Variants in SAMD7 observed in about 807,000 individuals in gnomAD.
SAMD7 encodes sterile alpha motif domain-containing protein 7.
In SAMD7, 34 loss-of-function variants were observed where a neutral mutation model predicts 36.7. The ratio of observed to expected loss-of-function variants is 0.93; its 90% confidence interval spans 0.71 to 1.23. The LOEUF (loss-of-function observed/expected upper bound fraction) is 1.23. Ranked by LOEUF, SAMD7 falls within the 50% of genes most tolerant of loss-of-function variation. SAMD7 has a pLI of 0.00. For synonymous variants in SAMD7, 188 were observed against 189.7 expected (o/e 0.99, Z 0.07); for missense variants, 570 against 546.6 (o/e 1.04, Z -0.43).
chr3:169,938,270 T>C (rs769451773), intron 8 of SAMD7, 48 bp from the exon 9 acceptor site: 6 of 1,308,042 alleles, frequency 4.6e-6, no homozygotes, highest in Non-Finnish European at 6.5e-6. Context: ...GCTGAGTTAA[T>C]GAAAAAAATT....
chr3:169,937,213 C>G (rs1713750870), intron 8 of SAMD7, among the ~76,000 whole-genome samples: 2 of 152,128 alleles, frequency 1.3e-5, no homozygotes, highest in Admixed American at 1.3e-4. Flanking sequence ...GTCTCAGGCA[C>G]CATCATCTCT....
At chr3:169,932,187 G>T (rs543958823) in intron 7 of SAMD7, 5 of 680,552 alleles carry the variant, frequency 7.3e-6, no homozygotes, top group East Asian at 7.0e-5. Context: ...ACCACACGTT[G>T]CAGTCTTCCT....
At position 169,926,919 on chromosome 3, in the gene SAMD7, A is replaced by G. The variant is rs1376383153; in HGVS notation, c.657A>G (p.Glu219=). The G allele has an allele frequency of 6.2e-7, 1 of 1,613,978 alleles. No homozygotes were observed. The highest frequency in any genetic ancestry group is 1.7e-5 in the Admixed American group (1 of 59,978). Residue 219 remains glutamate, a synonymous_variant, in exon 6 of 9, where the codon GAA becomes GAG. Coordinates refer to ENST00000335556, the MANE Select transcript of SAMD7 (RefSeq NM_001304366.2). ...ILGQTHAVPY[E]EDHYAKDPDI... is the part of the protein sequence containing the mutation. ...GTCAGACTCATGCAGTTCCCTATGAAGAGGATCATTATGCAAAAGACCCAG... is the reference window on the plus strand; with the variant it reads ...GTCAGACTCATGCAGTTCCCTATGAGGAGGATCATTATGCAAAAGACCCAG...
chr3:169,919,577 G>C lies in SAMD7; in HGVS notation c.79G>C (p.Val27Leu), dbSNP rs377075192. 7 of 1,610,056 alleles carry C rather than the reference G, an allele frequency of 4.3e-6. No homozygotes were observed. In the African/African-American group the frequency reaches 9.4e-5, roughly 22 times the overall value. The change falls in exon 3 of 9, where the codon GTG becomes CTG. Residue 27 changes from valine (V) to leucine (L), a missense_variant. Val to Leu is a conservative substitution (Grantham distance 32). Transcript: ENST00000335556. Reference sequence around the variant, plus strand: ...CCCCTCACCATTTGGGCCTCCAACTGTGGACAGGTATTTCTCTTCAATATA... The same window carrying C: ...CCCCTCACCATTTGGGCCTCCAACTCTGGACAGGTATTTCTCTTCAATATA... ...LIPSPFGPPTVDRDVLPSTVA... is the reference protein window; with the variant it reads ...LIPSPFGPPTLDRDVLPSTVA...
At chr3:169,926,482 A>T in intron 5 of SAMD7, 71 bp from the exon 6 acceptor site, 1 of 1,442,716 alleles carries the variant, frequency 6.9e-7, no homozygotes, top group Non-Finnish European at 9.4e-7. Context: ...TTTAGGGAAG[A>T]CAAGGGGTCA....
chr3:169,923,673 G>A (rs1388413754), intron 4 of SAMD7, among the ~76,000 whole-genome samples: 1 of 152,120 alleles, frequency 6.6e-6, no homozygotes, highest in Admixed American at 6.5e-5. Flanking sequence ...ACACGGGAGA[G>A]GGAGGTTGCA....
At chr3:169,911,930 T>C (rs1267429633) in intron 1 of SAMD7, 109 bp downstream of exon 1, 1 of 152,240 alleles carries the variant, frequency 6.6e-6, no homozygotes, top group Non-Finnish European at 1.5e-5. Flanking sequence ...AAGGAAATGC[T>C]TAGGTTTATG....
At chr3:169,932,018 CA>C (rs1363869645) in intron 7 of SAMD7, 1 of 722,234 alleles carries the variant, frequency 1.4e-6, no homozygotes. Context: ...AGCAGCGAGT[CA>C]TGCTGTTAGC....
intron 6 of SAMD7, 22 bp from the exon 7 acceptor site, chr3:169,928,435 A>T: frequency 6.2e-7 from 1 of 1,602,476 alleles, no homozygotes; most frequent in East Asian, 2.2e-5. Flanking sequence ...ATTTTATGCC[A>T]CAATTTCTTT....
Position 169,928,561 on chromosome 3 carries a change from T to C in SAMD7, c.1024T>C (p.Cys342Arg), listed in dbSNP as rs760317033. The stretch of plus-strand genomic sequence containing the variant: ...CAGCTTCATTCGCAGCCTTCCAGGT[T>C]GTTCAGACTATGCTCAGGTGACTTA... ...VHSFIRSLPG[C>R]SDYAQVFKDH... is the part of the protein sequence containing the mutation. Residue 342 changes from cysteine (C) to arginine (R), a missense_variant, in exon 7 of 9, where the codon TGT (cysteine) becomes CGT (arginine). Transcript: ENST00000335556. The C allele has an allele frequency of 6.2e-7, 1 of 1,613,898 alleles. No individual in the cohort carries two copies. The highest frequency in any genetic ancestry group is 1.1e-5 in the South Asian group (1 of 91,022).
chr3:169,918,152 C>T (rs1331522386), intron 2 of SAMD7, among the ~76,000 whole-genome samples: 2 of 151,192 alleles, frequency 1.3e-5, no homozygotes, highest in African/African-American at 4.9e-5. Flanking sequence ...TGGCCAGGTT[C>T]GTCTTGAACT....
chr3:169,921,515 A>C (rs908687026), intron 4 of SAMD7, among the ~76,000 whole-genome samples, 177 bp downstream of exon 4: 1 of 152,238 alleles, frequency 6.6e-6, no homozygotes, highest in Non-Finnish European at 1.5e-5. Context: ...TGTGTGACCA[A>C]GTGTAAGCTG....
intron 3 of SAMD7, among the ~76,000 whole-genome samples, chr3:169,920,605 C>A (rs540617601): frequency 6.6e-6 from 1 of 152,156 alleles, no homozygotes; most frequent in Non-Finnish European, 1.5e-5. Flanking sequence ...AGAATTATTT[C>A]TTTTCAATAA....
chr3:169,917,621 G>A (rs910346904), intron 2 of SAMD7, among the ~76,000 whole-genome samples: 4 of 97,124 alleles, frequency 4.1e-5, no homozygotes, highest in Non-Finnish European at 4.3e-5. Context: ...ATTTTTATTT[G>A]TTTGTTTATT....
intron 7 of SAMD7, chr3:169,933,179 C>T (rs543734982): frequency 8.3e-6 from 6 of 721,112 alleles, no homozygotes; most frequent in South Asian, 6.8e-5. Context: ...AGTGCACTGA[C>T]CAGTTTGGGA....
intron 7 of SAMD7, among the ~76,000 whole-genome samples, chr3:169,928,917 C>G (rs1270488532): frequency 6.6e-6 from 1 of 152,202 alleles, no homozygotes; most frequent in Non-Finnish European, 1.5e-5. Flanking sequence ...CCCTACTTAT[C>G]CACATAGCAA....
intron 7 of SAMD7, among the ~76,000 whole-genome samples, chr3:169,928,999 T>C (rs1419867162): frequency 6.6e-6 from 1 of 152,198 alleles, no homozygotes; most frequent in Non-Finnish European, 1.5e-5. Context: ...AATATATACT[T>C]CATTCTAAAA....
intron 7 of SAMD7, among the ~76,000 whole-genome samples, chr3:169,935,507 T>C (rs1283417858): frequency 1.3e-5 from 2 of 152,044 alleles, no homozygotes; most frequent in Non-Finnish European, 2.9e-5. Context: ...GTTTTTTGTT[T>C]TGTTTTGTTT....
chr3:169,925,096 G>T lies in SAMD7; in HGVS notation c.250G>T (p.Ala84Ser). ...ACCACCTGAATCCATAAAGGCAGTG[G>T]CCAGAAGGAATGAAATGATTCAACG... ...ILPPESIKAV[A>S]RRNEMIQRHH... The change falls in exon 5 of 9, where the codon GCC becomes TCC. Residue 84 changes from alanine (A) to serine (S), a missense_variant. Coordinates refer to ENST00000335556, the MANE Select transcript of SAMD7 (RefSeq NM_001304366.2). 1 of 1,611,768 alleles carries T rather than the reference G, an allele frequency of 6.2e-7. No homozygotes were observed. The highest frequency in any genetic ancestry group is 8.5e-7 in the Non-Finnish European group (1 of 1,178,916).
Sources: allele counts gnomAD v4.1 joint callset (sites outside exome capture counted in the v4.1 genomes callset), GRCh38; gene constraint gnomAD v4.1.1; transcripts MANE v1.5; gene names NCBI Gene and HGNC (gene_info 2026-07-23, HGNC 2026-07-21).